The following GPR160 variants were observed in gnomAD, a reference collection of about 807,000 sequenced individuals.
GPR160 encodes the protein probable G protein-coupled receptor 160.
Under a neutral mutation model 2.6 loss-of-function variants are expected in GPR160, and 2 were observed. The ratio of observed to expected loss-of-function variants is 0.77; its 90% confidence interval spans 0.32 to 2.44. The LOEUF (loss-of-function observed/expected upper bound fraction) is 2.44, where lower values mean the gene tolerates loss of function less well. Ranked by LOEUF, GPR160 falls within the 30% of genes most tolerant of loss-of-function variation. The pLI, the probability that GPR160 is intolerant of heterozygous loss-of-function variation, is 0.11. For synonymous variants in GPR160, 130 were observed against 132.2 expected (o/e 0.98, Z 0.12); for missense variants, 351 against 383.6 (o/e 0.91, Z 0.71).
rs753058492 is a variant in GPR160, at chr3:170,084,914, G to C, written c.942G>C (p.Trp314Cys). 3.7e-6 allele frequency: 6 copies of C among 1,606,804 alleles called. No homozygotes were observed. The highest frequency in any genetic ancestry group is 2.7e-5 in the African/African-American group (2 of 74,728). ...TACCTTTGGATCCATTTGTCAACTGGAAGTGCTGCTTCATTCCACTTACAA... is the reference window on the plus strand; with the variant it reads ...TACCTTTGGATCCATTTGTCAACTGCAAGTGCTGCTTCATTCCACTTACAA... ...IGLPLDPFVN[W>C]KCCFIPLTIP... Residue 314 changes from tryptophan to cysteine, a missense_variant, in exon 4 of 4, where the codon TGG becomes TGC. Physicochemically the swap from Trp to Cys is radical, Grantham distance 215 (BLOSUM62 -2). Coordinates refer to ENST00000355897, the MANE Select transcript of GPR160 (RefSeq NM_014373.3).
intron 3 of GPR160, among the ~76,000 whole-genome samples, chr3:170,082,762 ATT>A (rs536711258): frequency 8.5e-5 from 12 of 140,962 alleles, no homozygotes; most frequent in Non-Finnish European, 7.8e-5. Context: ...TGCCCAGGTA[ATT>A]TTTTTTTTTT....
At chr3:170,048,267 G>A (rs1016051706) in intron 2 of GPR160, among the ~76,000 whole-genome samples, 1 of 152,190 alleles carries the variant, frequency 6.6e-6, no homozygotes, top group African/African-American at 2.4e-5. Context: ...ACTCAGAAGG[G>A]CAGGATGGGA....
chr3:170,079,562 A>C (rs1447964061), intron 2 of GPR160, among the ~76,000 whole-genome samples: 1 of 152,204 alleles, frequency 6.6e-6, no homozygotes, highest in African/African-American at 2.4e-5. Context: ...TGTATGCATC[A>C]ATCTCTCCAT....
Position 170,084,477 on chromosome 3 carries a change from G to A in GPR160, c.505G>A (p.Ala169Thr). The A allele has an allele frequency of 6.2e-7, 1 of 1,613,748 alleles. No individual in the cohort carries two copies. Among genetic ancestry groups the A allele is most frequent in the Non-Finnish European group, 8.5e-7 (1 of 1,179,694 alleles). Reference protein sequence around the residue: ...AIYQSLKAQNAYSRHCPFYVS... With the variant: ...AIYQSLKAQNTYSRHCPFYVS... ...CTACCAAAGCCTGAAGGCACAGAAT[G>A]CTTATTCTCGTCACTGTCCTTTCTA... is the stretch of plus-strand genomic sequence containing the variant. The change falls in exon 4 of 4, where the codon GCT becomes ACT. Residue 169 changes from alanine to threonine, a missense_variant. By Grantham distance (58) the Ala-to-Thr change is moderately conservative (BLOSUM62 0). Transcript: ENST00000355897.
chr3:170,048,547 TG>T (rs140805684), intron 2 of GPR160, among the ~76,000 whole-genome samples: 14 of 152,378 alleles, frequency 9.2e-5, no homozygotes, highest in Non-Finnish European at 1.6e-4. Context: ...GCTCATTTTT[TG>T]ATGTTGTACA....
intron 2 of GPR160, among the ~76,000 whole-genome samples, chr3:170,047,722 TATATACACATCAC>T (rs140193808): frequency 0.039 from 5,790 of 149,632 alleles, 338 homozygotes; most frequent in African/African-American, 0.14. Context: ...TACACATACA[TATATACACATCAC>T]ATATACACAT....
chr3:170,061,003 G>A (rs1208198347), intron 2 of GPR160, among the ~76,000 whole-genome samples: 3 of 151,976 alleles, frequency 2.0e-5, no homozygotes, highest in Admixed American at 2.0e-4. Context: ...TGCCGGGCAC[G>A]GTGGCTCACA....
chr3:170,077,662 A>C (rs555800468), intron 2 of GPR160: 1 of 152,390 alleles, frequency 6.6e-6, no homozygotes, highest in East Asian at 1.9e-4. Flanking sequence ...CAATAATGTT[A>C]ATTACCCGCA....
Position 170,084,348 on chromosome 3 carries a change from A to G in GPR160, c.376A>G (p.Lys126Glu). The change falls in exon 4 of 4, where the codon AAA (lysine) becomes GAA (glutamate). Residue 126 changes from lysine to glutamate, a missense_variant. Coordinates refer to ENST00000355897, the MANE Select transcript of GPR160 (RefSeq NM_014373.3). ...ACIDYCLNFS[K>E]TTKLSFKCQK... ...TATAGATTATTGCCTGAATTTCTCT[A>G]AAACAACCAAGCTTTCATTTAAGTG... 6.2e-7 allele frequency: 1 copy of G among 1,609,128 alleles called. No individual in the cohort carries two copies. The highest frequency in any genetic ancestry group is 1.1e-5 in the South Asian group (1 of 90,432).
At chr3:170,083,036 G>C (rs375265602) in intron 3 of GPR160, among the ~76,000 whole-genome samples, 1 of 150,700 alleles carries the variant, frequency 6.6e-6, no homozygotes, top group African/African-American at 2.4e-5. Flanking sequence ...CGATTGAGTA[G>C]TATTGTAGAA....
At chr3:170,043,224 C>T (rs1026927458) in intron 2 of GPR160, among the ~76,000 whole-genome samples, 1 of 151,876 alleles carries the variant, frequency 6.6e-6, no homozygotes, top group Non-Finnish European at 1.5e-5. Flanking sequence ...CTTTGTTGCC[C>T]AGGCTGGAGT....
At chr3:170,064,284 G>A (rs1226859919) in intron 2 of GPR160, among the ~76,000 whole-genome samples, 1 of 152,140 alleles carries the variant, frequency 6.6e-6, no homozygotes, top group Non-Finnish European at 1.5e-5. Context: ...GACACCCACG[G>A]CTCCTGCGAG....
chr3:170,062,225 CCCAGGGTCCCCCTCT>C, intron 2 of GPR160: 1 of 178,400 alleles, frequency 5.6e-6, no homozygotes, highest in Non-Finnish European at 1.2e-5. Context: ...GCGCCCCCTC[CCCAGGGTCCCCCTCT>C]CCAGGCAGGA....
Position 170,083,898 on chromosome 3 carries a change from T to C in GPR160, c.-68-7T>C. The C allele has an allele frequency of 1.2e-6, 1 of 812,534 alleles. No homozygotes were observed. The highest frequency in any genetic ancestry group is 1.8e-6 in the Non-Finnish European group (1 of 548,732). 50.3% of individuals were successfully genotyped at this position (812,534 alleles called of 1,614,324 possible). A position where few individuals can be genotyped will look rare whatever the true frequency, so the allele number is the denominator to read the frequency against. ...ACATTAAGGTTTTCTTTTCACTTTT[T>C]TTGCAGGGACAGAAAATGAAGCAGT... On this transcript the variant is annotated splice_polypyrimidine_tract_variant and splice_region_variant and intron_variant, in intron 3 of 3. Transcript: ENST00000355897.
In GPR160 at chr3:170,084,716, T is replaced by C; in HGVS notation, c.744T>C (p.Phe248=). The C allele has an allele frequency of 6.2e-7, 1 of 1,612,608 alleles. No homozygotes were observed. The highest frequency in any genetic ancestry group is 1.3e-5 in the African/African-American group (1 of 75,048). ...KIFLSKLIVC[F]LSTWLPFVLL... is the part of the protein sequence containing the mutation. ...TCTTATCCAAGCTCATTGTCTGTTT[T>C]CTCAGTACCTGGTTACCATTTGTAC... Residue 248 remains phenylalanine, a synonymous_variant, in exon 4 of 4, where the codon TTT becomes TTC. Transcript: ENST00000355897.
chr3:170,050,994 G>A (rs535652318), intron 2 of GPR160, among the ~76,000 whole-genome samples: 24 of 152,214 alleles, frequency 1.6e-4, no homozygotes, highest in African/African-American at 4.6e-4. Context: ...GTATAATTGC[G>A]GAGTCATGTG....
intron 2 of GPR160, among the ~76,000 whole-genome samples, chr3:170,079,007 T>A (rs778692854): frequency 2.0e-5 from 3 of 152,036 alleles, no homozygotes; most frequent in Non-Finnish European, 4.4e-5. Flanking sequence ...TTAAATAGGC[T>A]TGTTCACTTG....
intron 2 of GPR160, among the ~76,000 whole-genome samples, chr3:170,045,773 T>C (rs1228984400): frequency 6.6e-6 from 1 of 152,094 alleles, no homozygotes; most frequent in East Asian, 1.9e-4. Context: ...AGTGGGTTAA[T>C]TGGTTATTAG....
rs1346795903 is a variant in GPR160, at chr3:170,062,319, G to C, written c.-192-17455G>C. On this transcript the variant is annotated intron_variant, in intron 2 of 3. Transcript: ENST00000355897. ...AGCGACGGCCCCGAGCCCGCAGATAGTGGAGCAGAGGGGTCCAGGGAGGCG... is the reference window on the plus strand; with the variant it reads ...AGCGACGGCCCCGAGCCCGCAGATACTGGAGCAGAGGGGTCCAGGGAGGCG... 2.3e-5 allele frequency: 5 copies of C among 218,704 alleles called. No individual in the cohort carries two copies. The East Asian group carries it at 7.3e-4, about 32-fold the overall frequency. The allele number at this position is 218,704 out of a possible 1,614,324, so 13.5% of individuals were successfully genotyped here.
Sources: allele counts gnomAD v4.1 joint callset (sites outside exome capture counted in the v4.1 genomes callset), GRCh38; gene constraint gnomAD v4.1.1; transcripts MANE v1.5; gene names NCBI Gene and HGNC (gene_info 2026-07-23, HGNC 2026-07-21).